MINDY4B: variants seen among roughly 807,000 people sequenced by gnomAD.
The protein encoded by MINDY4B is inactive ubiquitin carboxyl-terminal hydrolase MINDY-4B.
A neutral mutation model predicts 16.7 loss-of-function variants in MINDY4B; 25 were observed. That is an observed-to-expected ratio of 1.49 (90% CI 1.09 to 2.09). The LOEUF (loss-of-function observed/expected upper bound fraction) is 2.09, where lower values mean the gene tolerates loss of function less well. MINDY4B is among the 30% of genes most tolerant of loss of function. The pLI is 0.00. For synonymous variants in MINDY4B, 132 were observed against 61.9 expected (o/e 2.13, Z -5.32); for missense variants, 327 against 168.4 (o/e 1.94, Z -5.21).
At chr3:150,883,079 A>G (rs1559965472) in intron 9 of MINDY4B, 21 bp from the exon 10 acceptor site, 1 of 659,856 alleles carries the variant, frequency 1.5e-6, no homozygotes, top group South Asian at 1.6e-5. Flanking sequence ...TATTTTACAG[A>G]TACTTATATT....
intron 10 of MINDY4B, among the ~76,000 whole-genome samples, chr3:150,879,108 G>A (rs1489521473): frequency 1.3e-5 from 2 of 152,150 alleles, no homozygotes; most frequent in Non-Finnish European, 2.9e-5. Flanking sequence ...TGTTAAAAAC[G>A]AACCGAAAGC....
At chr3:150,897,328 TG>T (rs1462070457) in intron 3 of MINDY4B, among the ~76,000 whole-genome samples, 1 of 130,838 alleles carries the variant, frequency 7.6e-6, no homozygotes, top group East Asian at 2.9e-4. Context: ...GAACTGTGTG[TG>T]TGTGTGTGTG....
chr3:150,890,616 G>A, intron 6 of MINDY4B: 1 of 494,234 alleles, frequency 2.0e-6, no homozygotes, highest in Non-Finnish European at 3.6e-6. Flanking sequence ...AATATCTTGA[G>A]CAGTAAAACT....
intron 5 of MINDY4B, 41 bp downstream of exon 5, chr3:150,893,283 A>G: frequency 1.4e-6 from 1 of 701,774 alleles, no homozygotes; most frequent in Non-Finnish European, 2.6e-6. Flanking sequence ...TCAAGATTCT[A>G]GTGAAATGGG....
intron 10 of MINDY4B, among the ~76,000 whole-genome samples, chr3:150,874,661 C>A (rs577190747): frequency 6.6e-6 from 1 of 152,148 alleles, no homozygotes; most frequent in East Asian, 1.9e-4. Flanking sequence ...CATTCTATTT[C>A]TTTTCTTCTC....
intron 3 of MINDY4B, among the ~76,000 whole-genome samples, chr3:150,899,895 C>T (rs17219034): frequency 2.0e-5 from 3 of 152,192 alleles, no homozygotes; most frequent in African/African-American, 7.2e-5. Context: ...TGCCTATTAT[C>T]CCATTTCAGA....
rs1184110161 is a variant in MINDY4B, at chr3:150,873,192, G to A, written c.1235C>T (p.Thr412Ile). Residue 412 changes from threonine to isoleucine, a missense_variant, in exon 11 of 12, where the codon ACA becomes ATA. By Grantham distance (89) the Thr-to-Ile change is moderately conservative. Transcript: ENST00000465419. ...CTGGAGTCTGAAATGCTCACCTATT[G>A]TAAGACGCACAAGCTTTTTCTGTGA... ...QPSQKKLVRL[T>I]IDTHSHHWER... is the part of the protein sequence containing the mutation. The A allele has an allele frequency of 1.4e-6, 1 of 702,800 alleles. No homozygotes were observed. Among genetic ancestry groups the A allele is most frequent in the Admixed American group, 2.0e-5 (1 of 49,940 alleles). The allele number at this position is 702,800 out of a possible 1,614,324, so 43.5% of individuals were successfully genotyped here. A position where few individuals can be genotyped will look rare whatever the true frequency, so the allele number is the denominator to read the frequency against.
At chr3:150,871,310 CT>C (rs1235086777) in intron 11 of MINDY4B, 123 bp from the exon 12 acceptor site, 7 of 617,242 alleles carry the variant, frequency 1.1e-5, no homozygotes, top group African/African-American at 1.8e-5. Flanking sequence ...GCTCCTACAA[CT>C]GGTTAAGCAG....
intron 3 of MINDY4B, among the ~76,000 whole-genome samples, chr3:150,902,446 G>A (rs529566943): frequency 1.4e-4 from 22 of 152,296 alleles, no homozygotes; most frequent in Admixed American, 4.6e-4. Flanking sequence ...ACACTGGAGG[G>A]CAATCCAATG....
chr3:150,901,711 G>C (rs1712121397), intron 3 of MINDY4B, among the ~76,000 whole-genome samples: 1 of 151,824 alleles, frequency 6.6e-6, no homozygotes, highest in South Asian at 2.1e-4. Flanking sequence ...AGTAGAGATG[G>C]GGTTTTGCCA....
intron 10 of MINDY4B, among the ~76,000 whole-genome samples, chr3:150,879,935 T>G (rs899462654): frequency 6.6e-6 from 1 of 152,214 alleles, no homozygotes; most frequent in African/African-American, 2.4e-5. Context: ...CCAATTAGTA[T>G]TCAGTTAGCA....
chr3:150,902,917 C>T (rs768565453), intron 3 of MINDY4B, among the ~76,000 whole-genome samples: 5 of 152,180 alleles, frequency 3.3e-5, no homozygotes, highest in African/African-American at 7.2e-5. Context: ...GCATTTGCAG[C>T]GCTCCACAGT....
intron 10 of MINDY4B, among the ~76,000 whole-genome samples, chr3:150,877,658 G>A (rs1323591408): frequency 6.6e-6 from 1 of 152,164 alleles, no homozygotes; most frequent in Non-Finnish European, 1.5e-5. Context: ...AGGAGGTAAA[G>A]TGGAGGCAGT....
chr3:150,875,344 A>T (rs1374552506), intron 10 of MINDY4B, among the ~76,000 whole-genome samples: 1 of 152,216 alleles, frequency 6.6e-6, no homozygotes, highest in Non-Finnish European at 1.5e-5. Flanking sequence ...AGGTTGAAAA[A>T]CTTGAATAAA....
At position 150,903,360 on chromosome 3, in the gene MINDY4B, A is replaced by G. The variant is rs1349415127; in HGVS notation, c.198T>C (p.Ser66=). Reference sequence around the variant, plus strand: ...GCAAATGTCCTTGTCCTTTGGGCTGAGATAGTCCTGTTCCATCTTCATTTT... The same window carrying G: ...GCAAATGTCCTTGTCCTTTGGGCTGGGATAGTCCTGTTCCATCTTCATTTT... ...ADENEDGTGL[S]QPKGQGHLPS... Residue 66 remains serine (S), a synonymous_variant, in exon 3 of 12, where the codon TCT becomes TCC. Transcript: ENST00000465419. The G allele has an allele frequency of 2.5e-6, 1 of 398,464 alleles. No homozygotes were observed. The highest frequency in any genetic ancestry group is 4.4e-6 in the Non-Finnish European group (1 of 226,038). 24.7% of individuals were successfully genotyped at this position (398,464 alleles called of 1,614,324 possible).
At chr3:150,883,849 C>G (rs1711564181) in intron 8 of MINDY4B, 77 bp from the exon 9 acceptor site, 25 of 690,834 alleles carry the variant, frequency 3.6e-5, no homozygotes, top group South Asian at 3.6e-4. Context: ...TCCCCCAAAA[C>G]ACAAAGCAGC....
At chr3:150,881,771 T>C (rs1420223264) in intron 10 of MINDY4B, among the ~76,000 whole-genome samples, 1 of 152,188 alleles carries the variant, frequency 6.6e-6, no homozygotes, top group Non-Finnish European at 1.5e-5. Context: ...GAACAAAGAA[T>C]ACAAACTCAA....
chr3:150,880,373 G>T (rs1021750183), intron 10 of MINDY4B, among the ~76,000 whole-genome samples: 3 of 152,062 alleles, frequency 2.0e-5, no homozygotes, highest in Non-Finnish European at 2.9e-5. Context: ...GTGGCATGTG[G>T]CATGAAAGTG....
At chr3:150,893,781 C>T (rs73003600) in intron 4 of MINDY4B, among the ~76,000 whole-genome samples, 1 of 151,752 alleles carries the variant, frequency 6.6e-6, no homozygotes, top group African/African-American at 2.4e-5. Flanking sequence ...ACTTCCACCC[C>T]CTGGGTTCAA....
Sources: gnomAD v4.1 joint callset for allele counts (sites outside exome capture counted in the v4.1 genomes callset) on GRCh38, gnomAD v4.1.1 for gene constraint, MANE v1.5 for transcripts, NCBI Gene and HGNC (gene_info 2026-07-23, HGNC 2026-07-21) for gene names.